ZHX2: variants seen among roughly 807,000 people sequenced by gnomAD.
ZHX2 encodes the protein zinc fingers and homeoboxes protein 2.
In ZHX2, 6 loss-of-function variants were observed where a neutral mutation model predicts 21.9. That is an observed-to-expected ratio of 0.27 (90% CI 0.15 to 0.54). The LOEUF (loss-of-function observed/expected upper bound fraction) is 0.54. Ranked by LOEUF, ZHX2 falls within the 20% of genes least tolerant of loss-of-function variation. ZHX2 has a pLI of 0.95. For missense variants in ZHX2, 908 were observed against 1,090.7 expected (o/e 0.83, Z 2.36); for synonymous variants, 434 against 437.1 (o/e 0.99, Z 0.09).
intron 2 of ZHX2, among the ~76,000 whole-genome samples, chr8:122,874,490 C>T (rs1030134077): frequency 3.5e-5 from 5 of 142,242 alleles, no homozygotes; most frequent in Admixed American, 7.5e-5. Context: ...TGCACCACCA[C>T]GCCCAGCTAA....
intron 1 of ZHX2, among the ~76,000 whole-genome samples, chr8:122,820,306 C>A (rs1482617755): frequency 6.6e-6 from 1 of 152,162 alleles, no homozygotes; most frequent in African/African-American, 2.4e-5. Flanking sequence ...TTCTGACTGG[C>A]CAGGCTGCCT....
At chr8:122,949,192 C>T (rs1382660290) in intron 2 of ZHX2, among the ~76,000 whole-genome samples, 7 of 152,080 alleles carry the variant, frequency 4.6e-5, no homozygotes, top group Non-Finnish European at 7.4e-5. Flanking sequence ...GGCGTGGTGG[C>T]GCATGCCTGT....
rs755797658 is a variant in ZHX2 at position 122,908,174 on chromosome 8, T to C, written c.-219-43118T>C. Among the ~76,000 whole-genome samples the C allele has an allele frequency of 1.3e-4, 20 of 152,112 alleles. 1 individual carries two copies. Among genetic ancestry groups the C allele is most frequent in the South Asian group, 4.1e-4 (2 of 4,822 alleles). ...AAATGGAAGGGTGAGAGTTGGAGCATTGTGTCAACTGTAAAGTCCTTGGTT... is the reference window on the plus strand; with the variant it reads ...AAATGGAAGGGTGAGAGTTGGAGCACTGTGTCAACTGTAAAGTCCTTGGTT... On this transcript the variant is annotated intron_variant, in intron 2 of 3. Transcript: ENST00000314393.
In ZHX2 at chr8:122,782,598, T is replaced by A. The variant is rs925577510; in HGVS notation, c.-283+652T>A. On this transcript the variant is annotated intron_variant, in intron 1 of 3. Coordinates refer to ENST00000314393, the MANE Select transcript of ZHX2 (RefSeq NM_014943.5). This position sits in a 1 kb window ranked among gnomAD's most constrained non-coding sequence, Gnocchi z 5.3. ...TGACGCCGTGGGCCGAGGCTGCCTC[T>A]GCTCTCGTCGCTCCCGGCGGCTGCA... Among the ~76,000 whole-genome samples the A allele has an allele frequency of 4.6e-5, 7 of 152,162 alleles. No individual in the cohort carries two copies. Among genetic ancestry groups the A allele is most frequent in the Non-Finnish European group, 8.8e-5 (6 of 67,992 alleles).
chr8:122,832,455 G>A (rs1818398504), intron 1 of ZHX2, among the ~76,000 whole-genome samples: 1 of 152,180 alleles, frequency 6.6e-6, no homozygotes, highest in Non-Finnish European at 1.5e-5. Context: ...CTTAGACTGG[G>A]TTAGAACACC....
At chr8:122,783,357 T>G (rs1452688789) in intron 1 of ZHX2, among the ~76,000 whole-genome samples, 3 of 152,016 alleles carry the variant, frequency 2.0e-5, no homozygotes, top group Non-Finnish European at 4.4e-5. Flanking sequence ...CTCTGATCAC[T>G]TTCTCTCTGT....
At chr8:122,920,189 G>T (rs142953878) in intron 2 of ZHX2, among the ~76,000 whole-genome samples, 1 of 152,034 alleles carries the variant, frequency 6.6e-6, no homozygotes, top group Non-Finnish European at 1.5e-5. Context: ...CAGGAGAATC[G>T]CTTGAACCTG....
intron 1 of ZHX2, among the ~76,000 whole-genome samples, chr8:122,823,607 T>C (rs1294210863): frequency 6.6e-6 from 1 of 152,246 alleles, no homozygotes; most frequent in Non-Finnish European, 1.5e-5. Context: ...CTACTCCGAC[T>C]GTCTCCATGC....
chr8:122,944,841 C>T (rs1465096544), intron 2 of ZHX2, among the ~76,000 whole-genome samples: 7 of 152,144 alleles, frequency 4.6e-5, no homozygotes, highest in Non-Finnish European at 1.0e-4. Flanking sequence ...CCTATGCCTC[C>T]GAATGTGACT....
At position 122,953,270 on chromosome 8, in the gene ZHX2, T is replaced by C. The variant is rs1286029833; in HGVS notation, c.1760T>C (p.Met587Thr). Residue 587 changes from methionine (M) to threonine (T), a missense_variant, in exon 3 of 4, where the codon ATG becomes ACG. This residue lies in a region of ZHX2 where 431 missense variants were observed against 428.6 expected (regional missense o/e 1.01). Coordinates refer to ENST00000314393, the MANE Select transcript of ZHX2 (RefSeq NM_014943.5). The surrounding 1 kb of genome is among the most constrained non-coding windows in gnomAD (Gnocchi z 4.6). ...FSERRKLRDSMEQAVLDSMGS... is the reference protein window; with the variant it reads ...FSERRKLRDSTEQAVLDSMGS... ...GAGAGGCGGAAGCTTCGAGACAGCA[T>C]GGAACAAGCTGTCTTGGATTCCATG... 6.2e-7 allele frequency: 1 copy of C among 1,614,052 alleles called. No homozygotes were observed. The highest frequency in any genetic ancestry group is 8.5e-7 in the Non-Finnish European group (1 of 1,180,006).
At chr8:122,805,166 G>A (rs1817798937) in intron 1 of ZHX2, among the ~76,000 whole-genome samples, 1 of 152,152 alleles carries the variant, frequency 6.6e-6, no homozygotes, top group African/African-American at 2.4e-5. Flanking sequence ...TGGGGGTGGG[G>A]GTGGGGCAGC....
chr8:122,941,068 TAAA>T (rs11375328), intron 2 of ZHX2, among the ~76,000 whole-genome samples: 4 of 133,564 alleles, frequency 3.0e-5, no homozygotes, highest in Non-Finnish European at 3.2e-5. Context: ...CTATCTCTAT[TAAA>T]AAAAAAAAAA....
intron 2 of ZHX2, among the ~76,000 whole-genome samples, chr8:122,888,931 C>G (rs1819911317): frequency 6.6e-6 from 1 of 152,172 alleles, no homozygotes; most frequent in Admixed American, 6.5e-5. Flanking sequence ...AACCACTCTT[C>G]TACTCTCTAC....
At chr8:122,972,953 GA>G (rs1813762976) in intron 3 of ZHX2, among the ~76,000 whole-genome samples, 1 of 152,188 alleles carries the variant, frequency 6.6e-6, no homozygotes, top group Admixed American at 6.5e-5. Flanking sequence ...AGGATGAAAA[GA>G]ATCACAGGCC....
intron 2 of ZHX2, among the ~76,000 whole-genome samples, chr8:122,950,512 G>C (rs113464266): frequency 0.26 from 38,882 of 151,838 alleles, 6,095 homozygotes; most frequent in South Asian, 0.39. Flanking sequence ...GATGGGTGCA[G>C]CAAACCACCA....
At chr8:122,831,818 A>G (rs559757526) in intron 1 of ZHX2, among the ~76,000 whole-genome samples, 7 of 152,308 alleles carry the variant, frequency 4.6e-5, no homozygotes, top group African/African-American at 4.8e-5. Flanking sequence ...TGAGTGCACT[A>G]TGTGGAACAC....
intron 2 of ZHX2, among the ~76,000 whole-genome samples, chr8:122,876,952 A>G (rs1173062814): frequency 6.6e-6 from 1 of 152,204 alleles, no homozygotes; most frequent in Non-Finnish European, 1.5e-5. Context: ...AAGACGAAGG[A>G]CATACAGGCT....
chr8:122,893,197 G>A (rs769384231), intron 2 of ZHX2, among the ~76,000 whole-genome samples: 4 of 152,040 alleles, frequency 2.6e-5, no homozygotes, highest in South Asian at 2.1e-4. Context: ...TGAAAAATAT[G>A]GTGTTAGTCT....
intron 1 of ZHX2, among the ~76,000 whole-genome samples, chr8:122,817,025 A>G (rs1172283092): frequency 6.6e-6 from 1 of 152,166 alleles, no homozygotes; most frequent in Non-Finnish European, 1.5e-5. Context: ...GGAGAAAGAG[A>G]ACAAAAAGTG....
Sources: gnomAD v4.1 joint callset for allele counts (sites outside exome capture counted in the v4.1 genomes callset) on GRCh38, gnomAD v4.1.1 for gene constraint, gnomAD v4.1.1 regional missense constraint, Gnocchi (gnomAD v3.1) non-coding constraint, MANE v1.5 for transcripts, NCBI Gene and HGNC (gene_info 2026-07-23, HGNC 2026-07-21) for gene names.